Variants in SPON1 observed in about 807,000 individuals in gnomAD.
SPON1 encodes the protein spondin-1.
Under a neutral mutation model 111.7 loss-of-function variants are expected in SPON1, and 52 were observed. The observed-to-expected ratio is 0.47, with a 90% CI of 0.37 to 0.59. The LOEUF (loss-of-function observed/expected upper bound fraction) is 0.59. Ranked by LOEUF, SPON1 falls within the 20% of genes least tolerant of loss-of-function variation. The pLI is 0.00. For synonymous variants in SPON1, 410 were observed against 395.8 expected (o/e 1.04, Z -0.43); for missense variants, 957 against 1,068.5 (o/e 0.90, Z 1.46).
chr11:14,176,465 C>A lies in SPON1; in HGVS notation c.825+40897C>A, dbSNP rs1485994380. Among the ~76,000 whole-genome samples the A allele has an allele frequency of 1.4e-4, 22 of 152,052 alleles. 1 individual carries two copies. Among genetic ancestry groups the A allele is most frequent in the Non-Finnish European group, 7.4e-5 (5 of 68,020 alleles). ...ACCCTGCAATGAGGCTACAGGTATC[C>A]CATGGTAGAGCTACAAAGAGACACC... On this transcript the variant is annotated intron_variant, in intron 6 of 15. Transcript: ENST00000576479.
At chr11:14,010,495 G>A (rs1052256909) in intron 2 of SPON1, among the ~76,000 whole-genome samples, 2 of 152,092 alleles carry the variant, frequency 1.3e-5, no homozygotes, top group African/African-American at 4.8e-5. Context: ...ACAGACTGGG[G>A]GTAAAATGAG....
chr11:14,172,623 G>T (rs1191343340), intron 6 of SPON1, among the ~76,000 whole-genome samples: 1 of 151,908 alleles, frequency 6.6e-6, no homozygotes, highest in Non-Finnish European at 1.5e-5. Context: ...TTTTGCAGTG[G>T]CTGGTACCAG....
Position 14,004,789 on chromosome 11 carries a change from C to A in SPON1, c.345+21836C>A, listed in dbSNP as rs145475524. ...TTTTTGTTTGTTTGTTTTTTCAGTTCGTAGTTTTCCTTTTCTTTCTTTCTT... is the reference window on the plus strand; with the variant it reads ...TTTTTGTTTGTTTGTTTTTTCAGTTAGTAGTTTTCCTTTTCTTTCTTTCTT... On this transcript the variant is annotated intron_variant, in intron 2 of 15. Transcript: ENST00000576479. Among the ~76,000 whole-genome samples the A allele has an allele frequency of 2.2e-4, 33 of 151,662 alleles. No homozygotes were observed. In the South Asian group the frequency reaches 6.7e-3, roughly 31 times the overall value.
chr11:14,115,841 T>C (rs1849262671), intron 5 of SPON1, among the ~76,000 whole-genome samples: 1 of 152,188 alleles, frequency 6.6e-6, no homozygotes, highest in African/African-American at 2.4e-5. Context: ...CTTTAATAAA[T>C]ACAGCTAAAC....
chr11:13,965,995 C>T (rs1055736955), intron 1 of SPON1, among the ~76,000 whole-genome samples: 28 of 152,146 alleles, frequency 1.8e-4, no homozygotes, highest in African/African-American at 6.8e-4. Context: ...AGCTTCTGTT[C>T]TTTGTGCCTG....
chr11:14,119,932 C>T (rs1849293006), intron 5 of SPON1, among the ~76,000 whole-genome samples: 1 of 152,126 alleles, frequency 6.6e-6, no homozygotes, highest in South Asian at 2.1e-4. Flanking sequence ...AAATTTATCT[C>T]CTCAGTCACA....
chr11:13,969,971 C>A (rs548390946), intron 1 of SPON1, among the ~76,000 whole-genome samples: 1 of 152,342 alleles, frequency 6.6e-6, no homozygotes, highest in African/African-American at 2.4e-5. Context: ...TCATCTCATG[C>A]TCACTCAGGC....
At chr11:14,036,839 G>C (rs1430950264) in intron 2 of SPON1, among the ~76,000 whole-genome samples, 1 of 152,076 alleles carries the variant, frequency 6.6e-6, no homozygotes, top group African/African-American at 2.4e-5. Flanking sequence ...CCAAGAAGGA[G>C]CTATGGCACA....
chr11:14,248,100 G>A (rs990860331), intron 7 of SPON1, among the ~76,000 whole-genome samples: 8 of 152,134 alleles, frequency 5.3e-5, no homozygotes, highest in Non-Finnish European at 1.0e-4. Context: ...TGTTTGAGGC[G>A]GGTGGTTGGC....
intron 3 of SPON1, among the ~76,000 whole-genome samples, chr11:14,043,918 G>A (rs1249881822): frequency 6.6e-6 from 1 of 152,202 alleles, no homozygotes; most frequent in Non-Finnish European, 1.5e-5. Flanking sequence ...ATACACAATG[G>A]AGGTATATTC....
chr11:14,061,861 C>T (rs1554919906), intron 3 of SPON1, among the ~76,000 whole-genome samples: 2 of 152,208 alleles, frequency 1.3e-5, no homozygotes, highest in South Asian at 2.1e-4. Flanking sequence ...CATTTTTATG[C>T]TGATGAGGCC....
At chr11:14,162,910 G>T (rs182970159) in intron 6 of SPON1, among the ~76,000 whole-genome samples, 5 of 152,182 alleles carry the variant, frequency 3.3e-5, no homozygotes, top group Admixed American at 6.5e-5. Flanking sequence ...GGCAAGCATC[G>T]GCTGGTCCTG....
At chr11:14,238,202 C>T (rs1460598339) in intron 6 of SPON1, among the ~76,000 whole-genome samples, 1 of 152,132 alleles carries the variant, frequency 6.6e-6, no homozygotes, top group Non-Finnish European at 1.5e-5. Flanking sequence ...CTATTCCTTT[C>T]CCTCTCTGAT....
chr11:14,121,528 G>T (rs1421615584), intron 5 of SPON1, among the ~76,000 whole-genome samples: 1 of 152,132 alleles, frequency 6.6e-6, no homozygotes, highest in African/African-American at 2.4e-5. Context: ...GCCTGGAGGT[G>T]CAGGAAAGGC....
At chr11:14,246,554 G>A (rs1848992349) in intron 7 of SPON1, among the ~76,000 whole-genome samples, 2 of 152,060 alleles carry the variant, frequency 1.3e-5, no homozygotes, top group Non-Finnish European at 2.9e-5. Context: ...CCTTCTGATT[G>A]GCATGAAATT....
At chr11:14,090,573 G>C (rs1230867237) in intron 5 of SPON1, among the ~76,000 whole-genome samples, 1 of 152,082 alleles carries the variant, frequency 6.6e-6, no homozygotes, top group Non-Finnish European at 1.5e-5. Context: ...TTTGTGGTGA[G>C]TGTTACAGCT....
chr11:14,093,832 C>G (rs1269340720), intron 5 of SPON1, among the ~76,000 whole-genome samples: 2 of 152,220 alleles, frequency 1.3e-5, no homozygotes, highest in Non-Finnish European at 2.9e-5. Flanking sequence ...CTCATATCAG[C>G]TTATTCTAAG....
intron 2 of SPON1, among the ~76,000 whole-genome samples, chr11:14,013,213 G>A (rs1848419209): frequency 6.6e-6 from 1 of 152,152 alleles, no homozygotes; most frequent in African/African-American, 2.4e-5. Flanking sequence ...GGCTGATTAT[G>A]TGGATTATTG....
At chr11:13,971,607 C>CT (rs1848063856) in intron 1 of SPON1, among the ~76,000 whole-genome samples, 2 of 152,190 alleles carry the variant, frequency 1.3e-5, no homozygotes, top group African/African-American at 2.4e-5. Context: ...ATTCTTCTTT[C>CT]TTTTTTCACT....
Sources: allele counts gnomAD v4.1 joint callset (sites outside exome capture counted in the v4.1 genomes callset), GRCh38; gene constraint gnomAD v4.1.1; transcripts MANE v1.5; gene names NCBI Gene and HGNC (gene_info 2026-07-23, HGNC 2026-07-21).